The following MINDY4 variants were observed in gnomAD, a reference collection of about 807,000 sequenced individuals.
The protein encoded by MINDY4 is probable ubiquitin carboxyl-terminal hydrolase MINDY-4.
A neutral mutation model predicts 87.0 loss-of-function variants in MINDY4; 68 were observed. The ratio of observed to expected loss-of-function variants is 0.78; its 90% confidence interval spans 0.64 to 0.96. The LOEUF (loss-of-function observed/expected upper bound fraction) is 0.96, where lower values mean the gene tolerates loss of function less well. Ranked by LOEUF, MINDY4 falls within the 40% of genes least tolerant of loss-of-function variation. MINDY4 has a pLI of 0.00. For missense variants in MINDY4, 919 were observed against 928.2 expected, an observed-to-expected ratio of 0.99 and a Z score of 0.13; for synonymous variants, 379 against 363.2, an observed-to-expected ratio of 1.04 and a Z score of -0.50.
intron 15 of MINDY4, among the ~76,000 whole-genome samples, chr7:30,879,779 C>A (rs373260277): frequency 1.3e-5 from 2 of 152,196 alleles, no homozygotes; most frequent in Non-Finnish European, 2.9e-5. Flanking sequence ...TATCTTAATT[C>A]TTTCCTTCAT....
At chr7:30,785,712 G>T (rs2128166889) in intron 3 of MINDY4, 37 bp from the exon 4 acceptor site, 1 of 1,610,554 alleles carries the variant, frequency 6.2e-7, no homozygotes, top group Non-Finnish European at 8.5e-7. Context: ...ATTCCTTTTG[G>T]GGAGTCTGTT....
At chr7:30,793,268 A>G (rs1159852181) in intron 5 of MINDY4, among the ~76,000 whole-genome samples, 2 of 151,526 alleles carry the variant, frequency 1.3e-5, no homozygotes, top group East Asian at 1.9e-4. Flanking sequence ...TGTATTTGGA[A>G]CTTTAAATCC....
chr7:30,781,967 C>T lies in MINDY4; in HGVS notation c.184-10C>T, dbSNP rs760278099. The T allele has an allele frequency of 1.0e-5, 16 of 1,592,392 alleles. No individual in the cohort carries two copies. The East Asian group carries it at 2.2e-4, about 22-fold the overall frequency. ...TAAATTAATGATTTTTTTTTCTCTCCCAATGATAGGCAAAGGAAAATCCTC... is the reference window on the plus strand; with the variant it reads ...TAAATTAATGATTTTTTTTTCTCTCTCAATGATAGGCAAAGGAAAATCCTC... On this transcript the variant is annotated splice_polypyrimidine_tract_variant and intron_variant, in intron 2 of 17. Transcript: ENST00000265299.
At chr7:30,888,963 G>C (rs1050092777) in intron 17 of MINDY4, among the ~76,000 whole-genome samples, 4 of 152,276 alleles carry the variant, frequency 2.6e-5, no homozygotes, top group African/African-American at 9.6e-5. Context: ...AGGATTCAAG[G>C]AATTTGTAAC....
intron 5 of MINDY4, among the ~76,000 whole-genome samples, chr7:30,816,969 T>C (rs1209361800): frequency 1.3e-5 from 2 of 152,222 alleles, no homozygotes; most frequent in Admixed American, 1.3e-4. Context: ...TTAAAATTGC[T>C]ACACATTGTG....
At chr7:30,856,636 A>T (rs1425149480) in intron 12 of MINDY4, among the ~76,000 whole-genome samples, 1 of 152,056 alleles carries the variant, frequency 6.6e-6, no homozygotes, top group Non-Finnish European at 1.5e-5. Flanking sequence ...CTGCCCCAGG[A>T]CTGCATGTAT....
Position 30,882,986 on chromosome 7 carries a change from A to G in MINDY4, c.2218A>G (p.Arg740Gly). ...DLVPPLELCI[R>G]TKWKGASVNW... is the part of the protein sequence containing the mutation. ...TGTCCCACCCCTCGAGCTCTGCATC[A>G]GAACCAAGTGAGTCAAGCCCCTCTC... The change falls in exon 17 of 18, where the codon AGA becomes GGA. Residue 740 changes from arginine (R) to glycine (G), a missense_variant. Physicochemically the swap from Arg to Gly is moderately radical, Grantham distance 125. Transcript: ENST00000265299. The G allele has an allele frequency of 1.2e-6, 2 of 1,614,050 alleles. No homozygotes were observed.
intron 3 of MINDY4, among the ~76,000 whole-genome samples, chr7:30,782,969 G>T (rs1207733548): frequency 2.0e-5 from 3 of 152,174 alleles, no homozygotes; most frequent in African/African-American, 7.2e-5. Context: ...TTTACAAAAT[G>T]CCTTCACAGC....
At chr7:30,816,802 G>A (rs1297404357) in intron 5 of MINDY4, among the ~76,000 whole-genome samples, 6 of 152,168 alleles carry the variant, frequency 3.9e-5, no homozygotes, top group African/African-American at 1.4e-4. Flanking sequence ...TCCAAGCAGA[G>A]AGCTTTTCTC....
At chr7:30,872,080 G>A (rs961675559) in intron 13 of MINDY4, among the ~76,000 whole-genome samples, 163 bp from the exon 14 acceptor site, 2 of 152,206 alleles carry the variant, frequency 1.3e-5, no homozygotes, top group Non-Finnish European at 2.9e-5. Flanking sequence ...CTTCTGGGTG[G>A]GAGCCTCCTC....
chr7:30,887,278 A>T (rs1016938225), intron 17 of MINDY4, among the ~76,000 whole-genome samples: 20 of 151,864 alleles, frequency 1.3e-4, no homozygotes, highest in African/African-American at 4.6e-4. Flanking sequence ...CCCTCTTCTG[A>T]TGCCCTGCCC....
chr7:30,812,016 A>T (rs1788014375), intron 5 of MINDY4, among the ~76,000 whole-genome samples: 1 of 152,180 alleles, frequency 6.6e-6, no homozygotes, highest in African/African-American at 2.4e-5. Context: ...ATTACTACTG[A>T]TTTATTATTC....
At chr7:30,855,693 A>G (rs527655977) in intron 12 of MINDY4, among the ~76,000 whole-genome samples, 4 of 152,336 alleles carry the variant, frequency 2.6e-5, no homozygotes, top group Non-Finnish European at 5.9e-5. Context: ...GGCTTTGATG[A>G]AGCCTAACCA....
Position 30,859,308 on chromosome 7 carries a change from T to C in MINDY4, c.1729T>C (p.Ser577Pro). Residue 577 changes from serine to proline, a missense_variant, in exon 13 of 18, where the codon TCC becomes CCC. Coordinates refer to ENST00000265299, the MANE Select transcript of MINDY4 (RefSeq NM_032222.3). Reference protein sequence around the residue: ...CILLTLSAILSRSTELIRQDF... With the variant: ...CILLTLSAILPRSTELIRQDF... ...CCTGCTCACCCTTTCTGCCATCCTG[T>C]CCAGGTCTACAGAGCTGTGAGTATC... 1 of 1,614,182 alleles carries C rather than the reference T, an allele frequency of 6.2e-7. No individual in the cohort carries two copies. The highest frequency in any genetic ancestry group is 8.5e-7 in the Non-Finnish European group (1 of 1,180,024).
intron 5 of MINDY4, among the ~76,000 whole-genome samples, chr7:30,792,997 C>T (rs564757594): frequency 1.3e-5 from 2 of 148,928 alleles, no homozygotes; most frequent in African/African-American, 4.9e-5. Context: ...TAAGTTAATA[C>T]GTTACATATT....
At chr7:30,779,528 T>C (rs1786938847) in intron 2 of MINDY4, 1 of 152,224 alleles carries the variant, frequency 6.6e-6, no homozygotes, top group Non-Finnish European at 1.5e-5. Context: ...TGATATCTCA[T>C]GTGGAAGTCC....
At chr7:30,850,621 T>G (rs1384749474) in intron 10 of MINDY4, 66 bp downstream of exon 10, 1 of 1,406,826 alleles carries the variant, frequency 7.1e-7, no homozygotes, top group Non-Finnish European at 9.8e-7. Flanking sequence ...GCAAGCTGGC[T>G]GTGTATGCTC....
chr7:30,855,520 G>A (rs148605439), intron 12 of MINDY4, among the ~76,000 whole-genome samples: 1 of 152,226 alleles, frequency 6.6e-6, no homozygotes, highest in African/African-American at 2.4e-5. Context: ...GAAGTGACTG[G>A]TGAGGCTTCA....
chr7:30,888,794 C>A (rs6967646), intron 17 of MINDY4, among the ~76,000 whole-genome samples: 44,081 of 152,054 alleles, frequency 0.29, 9,788 homozygotes, highest in African/African-American at 0.62. Flanking sequence ...CTGCATTTGC[C>A]CCTGTTGGCT....
Sources: gnomAD v4.1 joint callset for allele counts (sites outside exome capture counted in the v4.1 genomes callset) on GRCh38, gnomAD v4.1.1 for gene constraint, MANE v1.5 for transcripts, NCBI Gene and HGNC (gene_info 2026-07-23, HGNC 2026-07-21) for gene names.